Variants in THBS4 observed in about 807,000 individuals in gnomAD.
The protein encoded by THBS4 is thrombospondin 4, also known as thrombospondin-4.
In THBS4, 90 loss-of-function variants were observed where a neutral mutation model predicts 115.7. The observed-to-expected ratio is 0.78, with a 90% CI of 0.66 to 0.93. The LOEUF is 0.93. Among genes scored for constraint, THBS4 ranks in the 40% least tolerant of loss-of-function variants. The pLI, the probability that THBS4 is intolerant of heterozygous loss-of-function variation, is 0.00. For synonymous variants in THBS4, 460 were observed against 479.3 expected (o/e 0.96, Z 0.53); for missense variants, 1,087 against 1,232.7 (o/e 0.88, Z 1.77).
At chr5:80,057,010 T>C (rs1354393132) in intron 3 of THBS4, among the ~76,000 whole-genome samples, 1 of 152,204 alleles carries the variant, frequency 6.6e-6, no homozygotes, top group Admixed American at 6.5e-5. Flanking sequence ...ACAGGAAGCA[T>C]TTTTAATCAG....
upstream of THBS4, among the ~76,000 whole-genome samples, chr5:80,030,450 C>G (rs955714423): frequency 6.6e-6 from 1 of 152,152 alleles, no homozygotes; most frequent in Non-Finnish European, 1.5e-5. Flanking sequence ...TCACTGCAAC[C>G]TCCACCTCCC....
chr5:80,017,564 G>T (rs1832276383), intron 2 of THBS4, among the ~76,000 whole-genome samples: 1 of 152,094 alleles, frequency 6.6e-6, no homozygotes, highest in Non-Finnish European at 1.5e-5. Context: ...CACTTTATTT[G>T]TTGTTTTAGT....
chr5:80,056,070 G>T (rs1233252630), intron 3 of THBS4, 38 bp downstream of exon 3: 1 of 1,561,420 alleles, frequency 6.4e-7, no homozygotes, highest in Non-Finnish European at 8.7e-7. Context: ...GTGGAAAAAT[G>T]AGCTGCCAGT....
intron 2 of THBS4, among the ~76,000 whole-genome samples, chr5:80,044,579 C>A (rs1257736642): frequency 1.3e-5 from 2 of 152,044 alleles, no homozygotes; most frequent in African/African-American, 4.8e-5. Context: ...CGCACCACTA[C>A]GCCCAGCTAA....
chr5:80,058,613 T>C (rs1833511841), intron 4 of THBS4, 95 bp from the exon 5 acceptor site: 2 of 1,094,344 alleles, frequency 1.8e-6, no homozygotes, highest in African/African-American at 1.5e-5. Flanking sequence ...TGAATCATCT[T>C]GTCAGGATGA....
chr5:80,076,356 G>A (rs941967187), intron 15 of THBS4: 1 of 152,278 alleles, frequency 6.6e-6, no homozygotes, highest in Non-Finnish European at 1.5e-5. Context: ...GCAACATTCT[G>A]ATTTTCATCA....
At position 80,082,202 on chromosome 5, in the gene THBS4, A is replaced by G. The variant is rs1743544488; in HGVS notation, c.2685-204A>G. The G allele has an allele frequency of 3.5e-5, 19 of 538,378 alleles. No homozygotes were observed. The South Asian group carries it at 5.2e-4, about 15-fold the overall frequency. 33.4% of individuals were successfully genotyped at this position (538,378 alleles called of 1,614,324 possible). On this transcript the variant is annotated intron_variant, in intron 20 of 21. Transcript: ENST00000350881. ...CCCCCCTCCACACACACACGGACAC[A>G]CACGGTCCCTGCCCTCAAGGACTTC...
At chr5:80,067,819 T>G (rs1833886279) in intron 9 of THBS4, 154 bp from the exon 10 acceptor site, 1 of 776,932 alleles carries the variant, frequency 1.3e-6, no homozygotes, top group Middle Eastern at 4.0e-4. Flanking sequence ...ATTCACATGA[T>G]CTTACATGTA....
intron 2 of THBS4, among the ~76,000 whole-genome samples, chr5:80,019,265 A>G (rs1213057449): frequency 6.6e-6 from 1 of 152,230 alleles, no homozygotes; most frequent in Admixed American, 6.5e-5. Context: ...ATTCTTCAAA[A>G]AAGTCATACA....
intron 20 of THBS4, chr5:80,082,190 A>C (rs1338378219): frequency 1.5e-5 from 6 of 412,304 alleles, no homozygotes; most frequent in Admixed American, 4.1e-5. Flanking sequence ...CCCTCCACAC[A>C]CACACGGACA....
chr5:80,010,761 A>G (rs1832107597), intron 2 of THBS4, among the ~76,000 whole-genome samples: 1 of 152,252 alleles, frequency 6.6e-6, no homozygotes. Flanking sequence ...ATCCAAATTG[A>G]TACGGGGCGT....
At chr5:80,015,602 GAAC>G in intron 2 of THBS4, among the ~76,000 whole-genome samples, 1 of 152,142 alleles carries the variant, frequency 6.6e-6, no homozygotes, top group Admixed American at 6.5e-5. Flanking sequence ...TGTTTCACTG[GAAC>G]AACATCATCC....
rs534660491 is a variant in THBS4 at position 80,013,761 on chromosome 5, G to A, written n.177+15334G>A. On this transcript the variant is annotated intron_variant and non_coding_transcript_variant, in intron 2 of 3. Transcript: ENST00000510218. ...ATCCCCTCTAAGACTTCATCTCCTC[G>A]TTTGTAAAATAGAGATATAATAATA... Among the ~76,000 whole-genome samples the A allele has an allele frequency of 2.0e-4, 31 of 152,250 alleles. No homozygotes were observed. The South Asian group carries it at 2.7e-3, about 13-fold the overall frequency.
At chr5:80,076,779 A>G in intron 15 of THBS4, 76 bp from the exon 16 acceptor site, 5 of 1,323,828 alleles carry the variant, frequency 3.8e-6, no homozygotes, top group Non-Finnish European at 4.0e-6. Context: ...TCAAGCACAG[A>G]CTCTCCTTCC....
intron 1 of THBS4, among the ~76,000 whole-genome samples, chr5:79,995,333 G>A (rs1831770248): frequency 6.6e-6 from 1 of 152,188 alleles, no homozygotes; most frequent in African/African-American, 2.4e-5. Context: ...AAATGCTGCT[G>A]AATATTATTG....
At chr5:80,082,117 G>C (rs1303394496) in intron 20 of THBS4, 10 of 346,466 alleles carry the variant, frequency 2.9e-5, no homozygotes, top group Non-Finnish European at 2.6e-5. Context: ...AAGTTTGATA[G>C]TGTGACCAAC....
At chr5:80,003,830 G>A (rs939802059) in intron 2 of THBS4, among the ~76,000 whole-genome samples, 3 of 152,148 alleles carry the variant, frequency 2.0e-5, no homozygotes, top group Non-Finnish European at 4.4e-5. Context: ...ATAGCATCTG[G>A]TATTTATCAT....
chr5:80,083,049 G>T (rs373170542), intron 21 of THBS4, 31 bp from the exon 22 acceptor site: 1 of 1,606,422 alleles, frequency 6.2e-7, no homozygotes, highest in South Asian at 1.1e-5. Flanking sequence ...AAGGAGCCTC[G>T]CTAACCTCCC....
chr5:80,040,345 T>C, intron 2 of THBS4, 65 bp downstream of exon 2: 3 of 1,334,056 alleles, frequency 2.2e-6, no homozygotes, highest in Non-Finnish European at 3.2e-6. Flanking sequence ...ATTAGGGGTA[T>C]ACTGTCTTTG....
Sources: gnomAD v4.1 joint callset for allele counts (sites outside exome capture counted in the v4.1 genomes callset) on GRCh38, gnomAD v4.1.1 for gene constraint, MANE v1.5 for transcripts, NCBI Gene and HGNC (gene_info 2026-07-23, HGNC 2026-07-21) for gene names.